Variants in PIP5K1A observed in about 807,000 individuals in gnomAD.
The protein encoded by PIP5K1A is phosphatidylinositol-4-phosphate 5-kinase type 1 alpha.
PIP5K1A carries 46 observed loss-of-function variants against 72.9 expected under a neutral mutation model. That is an observed-to-expected ratio of 0.63 (90% CI 0.50 to 0.81). The LOEUF is 0.81. Ranked by LOEUF, PIP5K1A falls within the 30% of genes least tolerant of loss-of-function variation. The pLI, the probability that PIP5K1A is intolerant of heterozygous loss-of-function variation, is 0.00. For missense variants in PIP5K1A, 458 were observed against 706.1 expected, an observed-to-expected ratio of 0.65 and a Z score of 3.98; for synonymous variants, 228 against 255.1, an observed-to-expected ratio of 0.89 and a Z score of 1.01.
At chr1:151,226,890 G>A (rs1178815789) in intron 3 of PIP5K1A, among the ~76,000 whole-genome samples, 1 of 151,798 alleles carries the variant, frequency 6.6e-6, no homozygotes, top group East Asian at 1.9e-4. Context: ...AGTCAGGTGT[G>A]GTGGTGTGCA....
Position 151,238,245 on chromosome 1 carries a change from T to C in PIP5K1A, c.1209T>C (p.Ile403=). ...GERLLLYIGI[I]DILQSYRFVK... ...GGCTTCTGCTTTATATTGGCATCAT[T>C]GACATTCTACAGTCTTACAGGTGAG... Residue 403 remains isoleucine (I), a synonymous_variant, in exon 10 of 16, where the codon ATT becomes ATC. Coordinates refer to ENST00000368888, the MANE Select transcript of PIP5K1A (RefSeq NM_001135638.2). 1 of 1,609,984 alleles carries C rather than the reference T, an allele frequency of 6.2e-7. No homozygotes were observed. The highest frequency in any genetic ancestry group is 8.5e-7 in the Non-Finnish European group (1 of 1,176,294).
intron 1 of PIP5K1A, among the ~76,000 whole-genome samples, chr1:151,222,392 C>G (rs972735659): frequency 6.6e-6 from 1 of 152,144 alleles, no homozygotes; most frequent in African/African-American, 2.4e-5. Context: ...CATCTTTATT[C>G]TAGGTATTTT....
intron 4 of PIP5K1A, among the ~76,000 whole-genome samples, chr1:151,227,784 G>A (rs1689371304): frequency 6.6e-6 from 1 of 152,162 alleles, no homozygotes; most frequent in Non-Finnish European, 1.5e-5. Flanking sequence ...TACTCGGGAT[G>A]TTGAGGCACG....
At chr1:151,209,745 G>C (rs966319599) in intron 1 of PIP5K1A, among the ~76,000 whole-genome samples, 1 of 151,028 alleles carries the variant, frequency 6.6e-6, no homozygotes, top group Non-Finnish European at 1.5e-5. Context: ...CGCCTGTATT[G>C]TTAGTAGAGA....
At chr1:151,224,188 T>C in intron 1 of PIP5K1A, 57 bp from the exon 2 acceptor site, 1 of 1,482,182 alleles carries the variant, frequency 6.7e-7, no homozygotes, top group Non-Finnish European at 9.4e-7. Context: ...TTCAGTATGC[T>C]TGACAGAGAT....
intron 14 of PIP5K1A, among the ~76,000 whole-genome samples, chr1:151,246,315 C>G (rs965904521): frequency 8.5e-5 from 13 of 152,074 alleles, no homozygotes; most frequent in African/African-American, 3.1e-4. Flanking sequence ...CGGGTTCTCT[C>G]GAGATTACAG....
In PIP5K1A at chr1:151,249,307, A is replaced by G. The variant is rs1488023363; in HGVS notation, c.*1442A>G. The G allele has an allele frequency of 1.3e-5, 2 of 151,572 alleles. No individual in the cohort carries two copies. Among genetic ancestry groups the G allele is most frequent in the Non-Finnish European group, 2.9e-5 (2 of 67,870 alleles). 9.4% of individuals were successfully genotyped at this position (151,572 alleles called of 1,614,324 possible). A position where few individuals can be genotyped will look rare whatever the true frequency, so the allele number is the denominator to read the frequency against. ...AGAATTCTTGCTATTTTTTTTTCAT[A>G]ATTTACTATTTATGATGTATTTAAG... On this transcript the variant is annotated 3_prime_UTR_variant, in exon 16 of 16. Transcript: ENST00000368888.
rs183368936 is a variant in PIP5K1A, at chr1:151,199,076, C to T, written c.80C>T (p.Ser27Phe). The T allele has an allele frequency of 1.9e-6, 3 of 1,614,090 alleles. No homozygotes were observed. Among genetic ancestry groups the T allele is most frequent in the East Asian group, 2.2e-5 (1 of 44,874 alleles). The change falls in exon 1 of 16, where the codon TCC becomes TTC. Residue 27 changes from serine (S) to phenylalanine (F), a missense_variant. This residue lies in a region of PIP5K1A where 81 missense variants were observed against 88.0 expected (regional missense o/e 0.92). Transcript: ENST00000368888. Reference sequence around the variant, plus strand: ...CCCGCGGTCCCTTCCTGTACCTTGTCCTCAGGTAAGCCCGGCAGGGCGTGG... The same window carrying T: ...CCCGCGGTCCCTTCCTGTACCTTGTTCTCAGGTAAGCCCGGCAGGGCGTGG... ...FDPAVPSCTL[S>F]SAASGIKRPM...
chr1:151,237,724 A>G (rs1292955703), intron 9 of PIP5K1A, among the ~76,000 whole-genome samples: 1 of 152,192 alleles, frequency 6.6e-6, no homozygotes, highest in African/African-American at 2.4e-5. Context: ...ATGCCTAGTA[A>G]GTGTAATTAC....
Position 151,236,119 on chromosome 1 carries a change from C to CAG in PIP5K1A, c.940-438_940-437insGA, listed in dbSNP as rs1553301306. 9.2e-3 allele frequency among the ~76,000 whole-genome samples: 599 copies of CAG among 64,792 alleles called. 5 individuals carry two copies. The highest frequency in any genetic ancestry group is 0.032 in the African/African-American group (566 of 17,808). The allele number at this position is 64,792 out of a possible 152,430, so 42.5% of individuals were successfully genotyped here. ...CTGGCGACAAAGCAAGACTCCGTCT[C>CAG]AAAAAAAAAAAAAAAAAAATTTAGC... On this transcript the variant is annotated intron_variant, in intron 8 of 15. Coordinates refer to ENST00000368888, the MANE Select transcript of PIP5K1A (RefSeq NM_001135638.2).
At chr1:151,236,811 C>CTTTTT in intron 9 of PIP5K1A, 48 bp downstream of exon 9, 1 of 579,964 alleles carries the variant, frequency 1.7e-6, no homozygotes, top group Non-Finnish European at 2.7e-6. Context: ...GCCCACAGCA[C>CTTTTT]TTTTCTTTTC....
At chr1:151,203,919 T>A (rs1236404961) in intron 1 of PIP5K1A, among the ~76,000 whole-genome samples, 1 of 152,136 alleles carries the variant, frequency 6.6e-6, no homozygotes, top group Non-Finnish European at 1.5e-5. Context: ...TTTAAAATGG[T>A]CATCGCTCAC....
intron 1 of PIP5K1A, among the ~76,000 whole-genome samples, chr1:151,207,089 T>TG (rs1686045867): frequency 6.6e-6 from 1 of 151,042 alleles, no homozygotes; most frequent in Admixed American, 6.6e-5. Flanking sequence ...AGGCTGATCT[T>TG]GAACTCCTGA....
At chr1:151,221,179 A>G (rs1440728262) in intron 1 of PIP5K1A, among the ~76,000 whole-genome samples, 6 of 152,196 alleles carry the variant, frequency 3.9e-5, no homozygotes, top group Non-Finnish European at 7.4e-5. Context: ...GTAGGCTTCC[A>G]AAGTGTTTAT....
chr1:151,226,942 G>A (rs1402758811), intron 3 of PIP5K1A, among the ~76,000 whole-genome samples: 1 of 152,110 alleles, frequency 6.6e-6, no homozygotes, highest in Non-Finnish European at 1.5e-5. Context: ...CGAGAGAATT[G>A]CTTGAACCGA....
chr1:151,217,942 C>T (rs1687875038), intron 1 of PIP5K1A, among the ~76,000 whole-genome samples: 1 of 152,064 alleles, frequency 6.6e-6, no homozygotes, highest in Non-Finnish European at 1.5e-5. Flanking sequence ...CCATGTCCGG[C>T]TAATTTTTGT....
At chr1:151,239,276 CTTTT>C (rs587607391) in intron 11 of PIP5K1A, 98 bp downstream of exon 11, 95 of 606,298 alleles carry the variant, frequency 1.6e-4, no homozygotes, top group Middle Eastern at 4.6e-4. Flanking sequence ...TTTCTTTTTT[CTTTT>C]TTTTTTTTTT....
intron 1 of PIP5K1A, among the ~76,000 whole-genome samples, chr1:151,212,482 T>G (rs1346735929): frequency 6.6e-6 from 1 of 152,176 alleles, no homozygotes; most frequent in African/African-American, 2.4e-5. Context: ...CAAACACAAT[T>G]AAAGGTGGGG....
intron 1 of PIP5K1A, among the ~76,000 whole-genome samples, chr1:151,220,272 G>A (rs2102350066): frequency 6.6e-6 from 1 of 152,172 alleles, no homozygotes; most frequent in African/African-American, 2.4e-5. Context: ...CCCAAGTGCT[G>A]GGATTACAGG....
Sources: gnomAD v4.1 joint callset for allele counts (sites outside exome capture counted in the v4.1 genomes callset) on GRCh38, gnomAD v4.1.1 for gene constraint, gnomAD v4.1.1 regional missense constraint, MANE v1.5 for transcripts, NCBI Gene and HGNC (gene_info 2026-07-23, HGNC 2026-07-21) for gene names.